Variants in VWC2L observed in about 807,000 individuals in gnomAD.
The protein encoded by VWC2L is von Willebrand factor C domain-containing protein 2-like.
Under a neutral mutation model 21.6 loss-of-function variants are expected in VWC2L, and 10 were observed. The ratio of observed to expected loss-of-function variants is 0.46; its 90% confidence interval spans 0.29 to 0.78. VWC2L has a LOEUF of 0.78. VWC2L is among the 30% of genes least tolerant of loss of function. VWC2L has a pLI of 0.10. For missense variants in VWC2L, 209 were observed against 277.1 expected (o/e 0.75, Z 1.74); for synonymous variants, 96 against 94.3 (o/e 1.02, Z -0.10).
chr2:214,563,150 T>C (rs1690002940), intron 3 of VWC2L, among the ~76,000 whole-genome samples: 1 of 152,040 alleles, frequency 6.6e-6, no homozygotes, highest in African/African-American at 2.4e-5. Context: ...AAGGAAGGGG[T>C]CCAGTTTCAA....
At chr2:214,550,048 A>G (rs1689769011) in intron 3 of VWC2L, among the ~76,000 whole-genome samples, 1 of 152,228 alleles carries the variant, frequency 6.6e-6, no homozygotes. Context: ...AGATATGCAA[A>G]TATTTTTAAA....
intron 3 of VWC2L, among the ~76,000 whole-genome samples, chr2:214,495,901 G>C (rs939215079): frequency 6.6e-6 from 1 of 152,136 alleles, no homozygotes; most frequent in Non-Finnish European, 1.5e-5. Flanking sequence ...CAACAAGTCA[G>C]TTCAGATTTT....
Position 214,549,692 on chromosome 2 carries a change from G to C in VWC2L, c.521-25980G>C, listed in dbSNP as rs1574631076. Reference sequence around the variant, plus strand: ...GAAGGCTGAGGCAGGAGAATCATTTGAACCCGGGAGGCAGAGGTTGCAGTG... The same window carrying C: ...GAAGGCTGAGGCAGGAGAATCATTTCAACCCGGGAGGCAGAGGTTGCAGTG... On this transcript the variant is annotated intron_variant, in intron 3 of 3. Transcript: ENST00000312504. Among the ~76,000 whole-genome samples, 3 of 152,330 alleles carry C rather than the reference G, an allele frequency of 2.0e-5. No homozygotes were observed. In the South Asian group the frequency reaches 6.2e-4, roughly 32 times the overall value.
Position 214,514,359 on chromosome 2 carries a change from T to C in VWC2L, c.521-61313T>C, listed in dbSNP as rs997613724. 4.6e-5 allele frequency among the ~76,000 whole-genome samples: 7 copies of C among 151,344 alleles called. 1 individual carries two copies. Among genetic ancestry groups the C allele is most frequent in the African/African-American group, 1.7e-4 (7 of 40,626 alleles). On this transcript the variant is annotated intron_variant, in intron 3 of 3. Coordinates refer to ENST00000312504, the MANE Select transcript of VWC2L (RefSeq NM_001080500.4). ...CTTTTTTTCGTTCTTAACATAATTT[T>C]ATGTAACAGTGGAATATGATATTAT...
intron 3 of VWC2L, among the ~76,000 whole-genome samples, chr2:214,474,366 A>G (rs4507104): frequency 0.99 from 151,194 of 152,208 alleles, 75,099 homozygotes; most frequent in East Asian, 1. Context: ...CATCTATCTC[A>G]GGCTCAGTTT....
intron 3 of VWC2L, among the ~76,000 whole-genome samples, chr2:214,493,951 C>A (rs1490320760): frequency 6.6e-6 from 1 of 152,182 alleles, no homozygotes; most frequent in Non-Finnish European, 1.5e-5. Context: ...TCATCTATTT[C>A]TTCCATTATT....
At chr2:214,509,116 C>CTTGA (rs1689014512) in intron 3 of VWC2L, among the ~76,000 whole-genome samples, 1 of 152,210 alleles carries the variant, frequency 6.6e-6, no homozygotes, top group Admixed American at 6.5e-5. Context: ...TGCACACAGG[C>CTTGA]TTGAGCCTCT....
At chr2:214,572,998 A>G (rs907569159) in intron 3 of VWC2L, among the ~76,000 whole-genome samples, 4 of 152,158 alleles carry the variant, frequency 2.6e-5, no homozygotes, top group African/African-American at 9.7e-5. Context: ...CAAATTCTAA[A>G]TGACTCTTAA....
At chr2:214,515,681 G>A (rs1488016367) in intron 3 of VWC2L, among the ~76,000 whole-genome samples, 2 of 152,124 alleles carry the variant, frequency 1.3e-5, no homozygotes, top group Non-Finnish European at 2.9e-5. Flanking sequence ...AGCCTCCCAA[G>A]TAGCTGGGAT....
chr2:214,430,303 C>A (rs1290034754), intron 2 of VWC2L, among the ~76,000 whole-genome samples: 2 of 152,032 alleles, frequency 1.3e-5, no homozygotes, highest in Non-Finnish European at 2.9e-5. Context: ...AGAGTGCATG[C>A]AAATAAAAAT....
chr2:214,450,442 C>A (rs1163072938), intron 3 of VWC2L, among the ~76,000 whole-genome samples: 1 of 152,224 alleles, frequency 6.6e-6, no homozygotes, highest in Non-Finnish European at 1.5e-5. Context: ...ACTCCAATTC[C>A]TTTCCCTTCT....
intron 2 of VWC2L, among the ~76,000 whole-genome samples, chr2:214,422,158 G>A (rs778491822): frequency 1.3e-4 from 20 of 151,944 alleles, no homozygotes; most frequent in Non-Finnish European, 2.9e-4. Flanking sequence ...AAAGTGCTGG[G>A]ATTACAGGCG....
intron 3 of VWC2L, among the ~76,000 whole-genome samples, chr2:214,563,034 C>A (rs1690001341): frequency 6.6e-6 from 1 of 152,068 alleles, no homozygotes; most frequent in Non-Finnish European, 1.5e-5. Context: ...CTTTCCCTTG[C>A]CTGCATCCTG....
chr2:214,553,897 C>T (rs1442551229), intron 3 of VWC2L, among the ~76,000 whole-genome samples: 1 of 152,158 alleles, frequency 6.6e-6, no homozygotes, highest in Non-Finnish European at 1.5e-5. Context: ...CAGCATCTCT[C>T]CAGTGCTTAA....
At chr2:214,518,589 A>G (rs1689181795) in intron 3 of VWC2L, among the ~76,000 whole-genome samples, 2 of 152,170 alleles carry the variant, frequency 1.3e-5, no homozygotes, top group South Asian at 4.1e-4. Context: ...TCTAGTCTGC[A>G]TATTTGTTTT....
chr2:214,539,895 ATT>A (rs1012003467), intron 3 of VWC2L, among the ~76,000 whole-genome samples: 4 of 152,150 alleles, frequency 2.6e-5, no homozygotes, highest in Non-Finnish European at 4.4e-5. Context: ...TCTTGAATAT[ATT>A]TTTAATGCTG....
intron 3 of VWC2L, among the ~76,000 whole-genome samples, chr2:214,548,647 T>C (rs1013553292): frequency 4.6e-5 from 7 of 152,292 alleles, no homozygotes; most frequent in African/African-American, 1.4e-4. Context: ...TAACAGACAA[T>C]TTGTCAAGGG....
chr2:214,485,848 T>C (rs1382789575), intron 3 of VWC2L, among the ~76,000 whole-genome samples: 1 of 152,180 alleles, frequency 6.6e-6, no homozygotes. Flanking sequence ...ATGAAGTAAA[T>C]TGCAAAGAAA....
At chr2:214,559,628 T>G (rs1473102411) in intron 3 of VWC2L, among the ~76,000 whole-genome samples, 2 of 148,750 alleles carry the variant, frequency 1.3e-5, no homozygotes, top group Non-Finnish European at 3.0e-5. Context: ...TTTTTTTTTT[T>G]GAGATAGATT....
Sources: allele counts gnomAD v4.1 joint callset (sites outside exome capture counted in the v4.1 genomes callset), GRCh38; gene constraint gnomAD v4.1.1; transcripts MANE v1.5; gene names NCBI Gene and HGNC (gene_info 2026-07-23, HGNC 2026-07-21).